The following OLA1 variants were observed in gnomAD, a reference collection of about 807,000 sequenced individuals.
The protein encoded by OLA1 is obg-like ATPase 1.
OLA1 carries 14 observed loss-of-function variants against 48.4 expected under a neutral mutation model. That is an observed-to-expected ratio of 0.29 (90% CI 0.19 to 0.45). The LOEUF (loss-of-function observed/expected upper bound fraction) is 0.45. Among genes scored for constraint, OLA1 ranks in the 20% least tolerant of loss-of-function variants. OLA1 has a pLI of 1.00. For synonymous variants in OLA1, 127 were observed against 150.4 expected, an observed-to-expected ratio of 0.84 and a Z score of 1.14; for missense variants, 325 against 467.1, an observed-to-expected ratio of 0.70 and a Z score of 2.80.
At chr2:174,242,790 T>G (rs748047110) in intron 2 of OLA1, among the ~76,000 whole-genome samples, 1 of 152,194 alleles carries the variant, frequency 6.6e-6, no homozygotes, top group Admixed American at 6.5e-5. Flanking sequence ...CCCAATATTC[T>G]CTAAGCCTCA....
chr2:174,084,529 TA>T (rs911800479), intron 7 of OLA1, among the ~76,000 whole-genome samples: 5 of 152,174 alleles, frequency 3.3e-5, no homozygotes, highest in African/African-American at 1.2e-4. Context: ...CTAGGGTAAT[TA>T]AAAATATTAT....
intron 5 of OLA1, among the ~76,000 whole-genome samples, chr2:174,130,587 G>T (rs1313050274): frequency 6.6e-6 from 1 of 152,164 alleles, no homozygotes; most frequent in Non-Finnish European, 1.5e-5. Flanking sequence ...CTGGCTATTA[G>T]TAAAGAGAAG....
intron 4 of OLA1, among the ~76,000 whole-genome samples, chr2:174,178,596 T>C (rs933547606): frequency 3.9e-5 from 6 of 152,014 alleles, no homozygotes; most frequent in African/African-American, 1.4e-4. Context: ...ATGCGTTATG[T>C]CAGCTAACTT....
chr2:174,161,490 C>T (rs534458587), intron 4 of OLA1, among the ~76,000 whole-genome samples: 27 of 151,998 alleles, frequency 1.8e-4, no homozygotes, highest in African/African-American at 6.3e-4. Context: ...CATATATTGA[C>T]CAGGAGCAGT....
chr2:174,100,381 T>C, intron 7 of OLA1, among the ~76,000 whole-genome samples: 1 of 152,180 alleles, frequency 6.6e-6, no homozygotes, highest in East Asian at 1.9e-4. Flanking sequence ...TATTTATATA[T>C]ACCTAGTAGG....
At chr2:174,203,938 G>C (rs1166925900) in intron 4 of OLA1, among the ~76,000 whole-genome samples, 1 of 151,614 alleles carries the variant, frequency 6.6e-6, no homozygotes, top group Non-Finnish European at 1.5e-5. Flanking sequence ...GGGATTACAG[G>C]TGTGCACCAC....
chr2:174,150,891 G>A (rs1177591102), intron 4 of OLA1, among the ~76,000 whole-genome samples: 1 of 152,100 alleles, frequency 6.6e-6, no homozygotes, highest in East Asian at 1.9e-4. Context: ...TAGCAGCAAG[G>A]CCTTTAAAAA....
rs1558984412 is a variant in OLA1 at position 174,163,715 on chromosome 2, T to TAAATAA, written c.374-21716_374-21715insTTATTT. Reference sequence around the variant, plus strand: ...CAAAAATAAAATAAATAAATAAATATATATATATATATATATATATATATA... The same window carrying TAAATAA: ...CAAAAATAAAATAAATAAATAAATATAAATAAATATATATATATATATATATATATA... On this transcript the variant is annotated intron_variant, in intron 4 of 10. Transcript: ENST00000284719. Among the ~76,000 whole-genome samples the TAAATAA allele has an allele frequency of 1.7e-4, 3 of 17,842 alleles. No homozygotes were observed. In the East Asian group the frequency reaches 2.1e-3, roughly 13 times the overall value. The allele number at this position is 17,842 out of a possible 152,430, so 11.7% of individuals were successfully genotyped here.
intron 4 of OLA1, among the ~76,000 whole-genome samples, chr2:174,221,048 TA>T (rs1369518474): frequency 6.6e-6 from 1 of 152,204 alleles, no homozygotes; most frequent in Admixed American, 6.5e-5. Context: ...ATTCTGATTA[TA>T]AATGTATCAT....
chr2:174,150,922 TAAG>T (rs996291359), intron 4 of OLA1, among the ~76,000 whole-genome samples: 4 of 151,962 alleles, frequency 2.6e-5, no homozygotes, highest in East Asian at 1.9e-4. Flanking sequence ...TAGAATAGGT[TAAG>T]AAGAAGAAGA....
chr2:174,197,965 T>C (rs1036927832), intron 4 of OLA1, among the ~76,000 whole-genome samples: 23 of 152,162 alleles, frequency 1.5e-4, no homozygotes, highest in African/African-American at 5.5e-4. Context: ...GCAATAAAGG[T>C]TTGTTTTGTT....
In OLA1 at chr2:174,226,194, G is replaced by A. The variant is rs1384235566; in HGVS notation, c.246-3034C>T. 1.2e-4 allele frequency among the ~76,000 whole-genome samples: 4 copies of A among 32,674 alleles called. 1 individual carries two copies. Among genetic ancestry groups the A allele is most frequent in the African/African-American group, 3.9e-4 (4 of 10,216 alleles). The allele number at this position is 32,674 out of a possible 152,430, so 21.4% of individuals were successfully genotyped here. On this transcript the variant is annotated intron_variant, in intron 3 of 10. Transcript: ENST00000284719. Reference sequence around the variant, plus strand: ...AGCCTGGGCGACAGAGCGAGACTCCGTCTCAAAAAAAAAAAAAAAAAAAGA... The same window carrying A: ...AGCCTGGGCGACAGAGCGAGACTCCATCTCAAAAAAAAAAAAAAAAAAAGA...
At chr2:174,089,924 C>T (rs1197492125) in intron 7 of OLA1, among the ~76,000 whole-genome samples, 1 of 146,864 alleles carries the variant, frequency 6.8e-6, no homozygotes, top group Non-Finnish European at 1.5e-5. Context: ...AAAAAAAGGA[C>T]ATAATTATGC....
chr2:174,081,072 C>T lies in OLA1; in HGVS notation c.966+80G>A, dbSNP rs148085995. 1.4e-3 allele frequency: 1,677 copies of T among 1,226,088 alleles called. 10 individuals carry two copies. The highest frequency in any genetic ancestry group is 2.6e-3 in the Middle Eastern group (14 of 5,292). 76.0% of individuals were successfully genotyped at this position (1,226,088 alleles called of 1,614,324 possible). The stretch of plus-strand genomic sequence containing the variant: ...AATGACTAGCTAACCGCCACCATGA[C>T]AAACTTCAAAGTCAGTGATATCAAT... On this transcript the variant is annotated intron_variant, in intron 9 of 10. Transcript: ENST00000284719.
chr2:174,240,010 A>G (rs1457573582), intron 2 of OLA1: 3 of 152,218 alleles, frequency 2.0e-5, no homozygotes, highest in Admixed American at 6.5e-5. Context: ...GATTTTGATC[A>G]TTGTATTATA....
rs146239635 is a variant in OLA1 at position 174,183,850 on chromosome 2, T to C, written c.373+39183A>G. ...GGTACTCAATATCTCTTCTCATTAA[T>C]ACTACCAGAAATGTTCAGGTCTCTA... On this transcript the variant is annotated intron_variant, in intron 4 of 10. Transcript: ENST00000284719. Among the ~76,000 whole-genome samples the C allele has an allele frequency of 3.7e-3, 559 of 152,338 alleles. 2 individuals carry two copies. Among genetic ancestry groups the C allele is most frequent in the Non-Finnish European group, 6.8e-3 (463 of 68,042 alleles).
At chr2:174,122,664 T>C (rs942272599) in intron 7 of OLA1, among the ~76,000 whole-genome samples, 1 of 152,054 alleles carries the variant, frequency 6.6e-6, no homozygotes, top group African/African-American at 2.4e-5. Context: ...AATCAATACA[T>C]GAATGCATAG....
chr2:174,194,486 A>C (rs966998694), intron 4 of OLA1, among the ~76,000 whole-genome samples: 3 of 152,092 alleles, frequency 2.0e-5, no homozygotes, highest in Admixed American at 2.0e-4. Flanking sequence ...TTTCATTGCG[A>C]GGGTGGGAGT....
chr2:174,139,525 C>T (rs1574503227), intron 5 of OLA1, among the ~76,000 whole-genome samples: 1 of 152,192 alleles, frequency 6.6e-6, no homozygotes, highest in Admixed American at 6.5e-5. Flanking sequence ...CTCCTGCCTT[C>T]TTTATTTAGT....
Sources: gnomAD v4.1 joint callset for allele counts (sites outside exome capture counted in the v4.1 genomes callset) on GRCh38, gnomAD v4.1.1 for gene constraint, MANE v1.5 for transcripts, NCBI Gene and HGNC (gene_info 2026-07-23, HGNC 2026-07-21) for gene names.